The following MCHR2 variants were observed in gnomAD, a reference collection of about 807,000 sequenced individuals.
The protein encoded by MCHR2 is melanin concentrating hormone receptor 2, also known as melanin-concentrating hormone receptor 2.
A neutral mutation model predicts 24.8 loss-of-function variants in MCHR2; 15 were observed. The ratio of observed to expected loss-of-function variants is 0.60; its 90% CI spans 0.40 to 0.93. The LOEUF (loss-of-function observed/expected upper bound fraction) is 0.93, where lower values mean the gene tolerates loss of function less well. Ranked by LOEUF, MCHR2 falls within the 40% of genes least tolerant of loss-of-function variation. The probability of loss-of-function intolerance (pLI) is 0.00; values close to 1 mark genes in which losing one functional copy is unlikely to be tolerated. For missense variants in MCHR2, 386 were observed against 408.7 expected, an observed-to-expected ratio of 0.94 and a Z score of 0.48; for synonymous variants, 151 against 147.6, an observed-to-expected ratio of 1.02 and a Z score of -0.17.
At chr6:99,967,532 T>C (rs540567434) in intron 1 of MCHR2, among the ~76,000 whole-genome samples, 10 of 152,332 alleles carry the variant, frequency 6.6e-5, no homozygotes, top group Admixed American at 2.0e-4. Context: ...CAACTTATTT[T>C]AGTAAATAGT....
At chr6:99,986,872 C>T (rs891484293) in intron 1 of MCHR2, among the ~76,000 whole-genome samples, 1 of 149,742 alleles carries the variant, frequency 6.7e-6, no homozygotes, top group African/African-American at 2.5e-5. Flanking sequence ...GTATAATATA[C>T]ATGTATATAT....
chr6:99,973,500 G>A (rs1311971944), intron 1 of MCHR2, among the ~76,000 whole-genome samples: 1 of 152,138 alleles, frequency 6.6e-6, no homozygotes, highest in Admixed American at 6.5e-5. Context: ...ACTCTGATGG[G>A]TCTTGACTCT....
intron 2 of MCHR2, among the ~76,000 whole-genome samples, chr6:99,949,418 TAAG>T (rs1318018207): frequency 1.3e-5 from 2 of 152,174 alleles, no homozygotes; most frequent in African/African-American, 4.8e-5. Flanking sequence ...AAGAGCATGT[TAAG>T]AACCAGTCCT....
At chr6:99,970,767 G>A (rs1163091965) in intron 1 of MCHR2, among the ~76,000 whole-genome samples, 8 of 152,144 alleles carry the variant, frequency 5.3e-5, no homozygotes, top group Non-Finnish European at 1.0e-4. Flanking sequence ...TCCAGTTTCA[G>A]CTTTCTACAT....
chr6:99,945,250 A>C (rs1279770199), intron 3 of MCHR2, among the ~76,000 whole-genome samples: 1 of 152,172 alleles, frequency 6.6e-6, no homozygotes, highest in Non-Finnish European at 1.5e-5. Flanking sequence ...AATCTCTGGC[A>C]TATGGTTCAT....
chr6:99,947,674 A>C, intron 3 of MCHR2, 88 bp downstream of exon 3: 2 of 1,373,098 alleles, frequency 1.5e-6, no homozygotes, highest in East Asian at 4.6e-5. Flanking sequence ...GCTGTTATAA[A>C]CCAAAACTGG....
rs533887507 is a variant in MCHR2 at position 99,918,667 on chromosome 6, A to G, written c.*2273T>C. Among the ~76,000 whole-genome samples the G allele has an allele frequency of 1.4e-4, 22 of 152,366 alleles. No homozygotes were observed. Among genetic ancestry groups the G allele is most frequent in the African/African-American group, 5.3e-4 (22 of 41,596 alleles). ...TAACTTCATTTGAAAGTAAACATGT[A>G]TACATATCATGGCCAAACATAGAAA... is the stretch of plus-strand genomic sequence containing the variant. On this transcript the variant is annotated 3_prime_UTR_variant, in exon 6 of 6. Transcript: ENST00000281806.
At chr6:99,931,158 G>A (rs1054889736) in intron 5 of MCHR2, among the ~76,000 whole-genome samples, 18 of 152,158 alleles carry the variant, frequency 1.2e-4, no homozygotes, top group South Asian at 2.1e-4. Context: ...CCGGATTTTC[G>A]TGAACCGCGA....
rs569955540 is a variant in MCHR2 at position 99,926,174 on chromosome 6, T to C, written c.708-4919A>G. On this transcript the variant is annotated intron_variant, in intron 5 of 5. Transcript: ENST00000281806. ...ATAAAGGACATGAACTCATCATTTT[T>C]TATGGCTGCATAGTATTCCATGGTG... Among the ~76,000 whole-genome samples, 401 of 152,308 alleles carry C rather than the reference T, an allele frequency of 2.6e-3. 4 individuals carry two copies. Among genetic ancestry groups the C allele is most frequent in the Admixed American group, 4.8e-3 (73 of 15,296 alleles).
chr6:99,943,091 T>G lies in MCHR2; in HGVS notation c.445A>C (p.Lys149Gln). 1 of 1,612,502 alleles carries G rather than the reference T, an allele frequency of 6.2e-7. No homozygotes were observed. Among genetic ancestry groups the G allele is most frequent in the Non-Finnish European group, 8.5e-7 (1 of 1,178,952 alleles). ...AGGCCCAAATTGATCCGGATGGTCT[T>G]GTACCTTGTTCTCCAACGTGTCAGT... Reference protein sequence around the residue: ...FRLTRWRTRYKTIRINLGLWA... With the variant: ...FRLTRWRTRYQTIRINLGLWA... Residue 149 changes from lysine to glutamine, a missense_variant, in exon 4 of 6, where the codon AAG becomes CAG. Lys to Gln is a moderately conservative substitution (Grantham distance 53). Transcript: ENST00000281806.
intron 4 of MCHR2, among the ~76,000 whole-genome samples, chr6:99,938,187 T>A (rs1463495518): frequency 6.6e-6 from 1 of 151,952 alleles, no homozygotes; most frequent in Admixed American, 6.6e-5. Context: ...TTTTTTAGTC[T>A]CAATTTTATT....
rs1309096516 is a variant in MCHR2, at chr6:99,918,558, A to G, written c.*2382T>C. Among the ~76,000 whole-genome samples the G allele has an allele frequency of 6.6e-6, 1 of 152,222 alleles. No homozygotes were observed. Among genetic ancestry groups the G allele is most frequent in the African/African-American group, 2.4e-5 (1 of 41,470 alleles). ...TTTTTATTAATTGAGATCAAAGTTT[A>G]AATGAGGCACCTAGAATTGAATAAG... On this transcript the variant is annotated 3_prime_UTR_variant, in exon 6 of 6. Transcript: ENST00000281806.
intron 1 of MCHR2, among the ~76,000 whole-genome samples, chr6:99,977,493 T>A (rs756097256): frequency 2.0e-5 from 3 of 152,192 alleles, no homozygotes; most frequent in Non-Finnish European, 4.4e-5. Context: ...GCTGCATCAT[T>A]ACTTTCATGG....
chr6:99,952,133 A>C (rs1281818114), intron 2 of MCHR2, among the ~76,000 whole-genome samples: 1 of 152,086 alleles, frequency 6.6e-6, no homozygotes, highest in Non-Finnish European at 1.5e-5. Context: ...GGTTGAGTTC[A>C]TCAATCTGTC....
At chr6:99,936,435 A>G (rs1382403327) in intron 4 of MCHR2, among the ~76,000 whole-genome samples, 1 of 151,956 alleles carries the variant, frequency 6.6e-6, no homozygotes, top group Non-Finnish European at 1.5e-5. Context: ...CAGTTTTCCC[A>G]GGACAATTTA....
At chr6:99,933,282 C>T (rs367829401) in intron 5 of MCHR2, among the ~76,000 whole-genome samples, 6 of 152,152 alleles carry the variant, frequency 3.9e-5, no homozygotes, top group African/African-American at 1.4e-4. Context: ...ATAAGATCCT[C>T]TTAGCATTTC....
At chr6:99,958,324 T>A (rs944525135) in intron 1 of MCHR2, among the ~76,000 whole-genome samples, 4 of 152,048 alleles carry the variant, frequency 2.6e-5, no homozygotes, top group Non-Finnish European at 5.9e-5. Context: ...ATATTATACA[T>A]ACACATATAC....
At chr6:99,942,920 C>T (rs755467175) in intron 4 of MCHR2, 29 bp downstream of exon 4, 1 of 1,564,588 alleles carries the variant, frequency 6.4e-7, no homozygotes, top group Admixed American at 1.8e-5. Context: ...CTTAATTCAA[C>T]TCGTTTTTCT....
intron 1 of MCHR2, among the ~76,000 whole-genome samples, chr6:99,977,758 G>A (rs888067118): frequency 3.3e-5 from 5 of 151,984 alleles, no homozygotes; most frequent in Non-Finnish European, 5.9e-5. Context: ...AGGTAGCAAA[G>A]TTTTAAATTA....
Sources: allele counts gnomAD v4.1 joint callset (sites outside exome capture counted in the v4.1 genomes callset), GRCh38; gene constraint gnomAD v4.1.1; transcripts MANE v1.5; gene names NCBI Gene and HGNC (gene_info 2026-07-23, HGNC 2026-07-21).